GPC1: variants seen among roughly 807,000 people sequenced by gnomAD.
GPC1 encodes glypican-1.
GPC1 carries 26 observed loss-of-function variants against 51.5 expected under a neutral mutation model. The observed-to-expected ratio is 0.50, with a 90% CI of 0.37 to 0.70. The LOEUF is 0.70. Ranked by LOEUF, GPC1 falls within the 30% of genes least tolerant of loss-of-function variation. GPC1 has a pLI of 0.00. For missense variants in GPC1, 775 were observed against 800.5 expected, an observed-to-expected ratio of 0.97 and a Z score of 0.38; for synonymous variants, 380 against 348.3, an observed-to-expected ratio of 1.09 and a Z score of -1.01.
intron 1 of GPC1, chr2:240,456,746 C>T: frequency 2.4e-6 from 1 of 409,722 alleles, no homozygotes; most frequent in South Asian, 1.7e-5. Flanking sequence ...AGGGGCGGTT[C>T]CTGCTCTAAA....
At chr2:240,450,007 A>T (rs2074083243) in intron 1 of GPC1, 2 of 443,808 alleles carry the variant, frequency 4.5e-6, no homozygotes, top group Admixed American at 4.8e-5. Flanking sequence ...TGCTGTGAGC[A>T]TGGGTGTATG....
At chr2:240,451,647 TG>T (rs536587988) in intron 1 of GPC1, 92 of 221,864 alleles carry the variant, frequency 4.1e-4, no homozygotes, top group African/African-American at 2.1e-3. Context: ...CACCGGGTCC[TG>T]GGTGTGGCAG....
intron 1 of GPC1, among the ~76,000 whole-genome samples, chr2:240,437,352 C>T (rs2073990542): frequency 6.6e-6 from 1 of 152,098 alleles, no homozygotes; most frequent in South Asian, 2.1e-4. Flanking sequence ...GTGGATCTCC[C>T]GATGCCCCCA....
At chr2:240,463,650 G>A in intron 4 of GPC1, 138 bp downstream of exon 4, 1 of 697,088 alleles carries the variant, frequency 1.4e-6, no homozygotes, top group Non-Finnish European at 2.4e-6. Flanking sequence ...GGCCAGATCT[G>A]GGTGGTGCTG....
At position 240,435,890 on chromosome 2, in the gene GPC1, G is replaced by T; in HGVS notation, c.-29G>T. The T allele has an allele frequency of 2.5e-6, 3 of 1,215,234 alleles. No individual in the cohort carries two copies. The highest frequency in any genetic ancestry group is 3.1e-6 in the Non-Finnish European group (3 of 973,762). The allele number at this position is 1,215,234 out of a possible 1,614,324, so 75.3% of individuals were successfully genotyped here. On this transcript the variant is annotated 5_prime_UTR_variant, in exon 1 of 9. Coordinates refer to ENST00000264039, the MANE Select transcript of GPC1 (RefSeq NM_002081.3). ...GCCAGGATCCGAGAGAGGCGCGGGC[G>T]GGTGGCCGGGGGCGCCGCCGGCCCC...
intron 1 of GPC1, among the ~76,000 whole-genome samples, chr2:240,438,084 G>T (rs1342238764): frequency 6.6e-6 from 1 of 152,198 alleles, no homozygotes; most frequent in Non-Finnish European, 1.5e-5. Context: ...TCCACCCCGC[G>T]TGGGGAGTAC....
chr2:240,462,524 C>T lies in GPC1; in HGVS notation c.659C>T (p.Ala220Val). The T allele has an allele frequency of 6.3e-7, 1 of 1,580,976 alleles. No homozygotes were observed. Among genetic ancestry groups the T allele is most frequent in the Non-Finnish European group, 8.6e-7 (1 of 1,164,994 alleles). Residue 220 changes from alanine (A) to valine (V), a missense_variant, in exon 3 of 9, where the codon GCT becomes GTT. Coordinates refer to ENST00000264039, the MANE Select transcript of GPC1 (RefSeq NM_002081.3). ...RLRATRAFVA[A>V]RSFVQGLGVA... Reference sequence around the variant, plus strand: ...CGGGCCACCCGTGCCTTCGTGGCTGCTCGCTCCTTTGTGCAGGGCCTGGGC... The same window carrying T: ...CGGGCCACCCGTGCCTTCGTGGCTGTTCGCTCCTTTGTGCAGGGCCTGGGC...
rs768560597 is a variant in GPC1 at position 240,462,461 on chromosome 2, T to C, written c.596T>C (p.Leu199Pro). The change falls in exon 3 of 9, where the codon CTG becomes CCG. Residue 199 changes from leucine (L) to proline (P), a missense_variant. Coordinates refer to ENST00000264039, the MANE Select transcript of GPC1 (RefSeq NM_002081.3). The part of the protein sequence containing the change: ...LDCLGKQAEA[L>P]RPFGEAPREL... ...TGCCTGGGCAAGCAGGCCGAGGCGCTGCGGCCCTTCGGGGAGGCCCCGAGA... is the reference window on the plus strand; with the variant it reads ...TGCCTGGGCAAGCAGGCCGAGGCGCCGCGGCCCTTCGGGGAGGCCCCGAGA... 1.9e-6 allele frequency: 3 copies of C among 1,605,380 alleles called. No individual in the cohort carries two copies. The highest frequency in any genetic ancestry group is 2.5e-6 in the Non-Finnish European group (3 of 1,177,146).
Position 240,464,940 on chromosome 2 carries a change from C to A in GPC1, c.1099C>A (p.Arg367=). ...EKRRRGKLAP[R]ERPPSGTLEK... is the part of the protein sequence containing the mutation. ...GCGGCGCCGGGGCAAGCTGGCCCCG[C>A]GGGAGAGGCCACCTTCAGGCACGCT... The change falls in exon 6 of 9, where the codon CGG becomes AGG. Residue 367 remains arginine (R), a synonymous_variant. Transcript: ENST00000264039. 3 of 1,551,790 alleles carry A rather than the reference C, an allele frequency of 1.9e-6. No homozygotes were observed. The highest frequency in any genetic ancestry group is 2.4e-5 in the East Asian group (1 of 41,152).
At chr2:240,457,603 T>A (rs985176350) in intron 1 of GPC1, 2 of 394,454 alleles carry the variant, frequency 5.1e-6, no homozygotes, top group Admixed American at 5.1e-5. Flanking sequence ...AGGCCCTGCC[T>A]GCAGTGGGGC....
intron 4 of GPC1, chr2:240,464,300 A>G (rs907810203): frequency 2.6e-6 from 1 of 386,592 alleles, no homozygotes; most frequent in Non-Finnish European, 4.9e-6. Context: ...CAGCGTATGT[A>G]CATGTCAACA....
At chr2:240,445,564 CTG>C (rs148055462) in intron 1 of GPC1, among the ~76,000 whole-genome samples, 1,524 of 152,314 alleles carry the variant, frequency 0.01, 10 homozygotes, top group Non-Finnish European at 0.016. Context: ...GAAGGGCAGA[CTG>C]TGGTGGCCAA....
intron 1 of GPC1, among the ~76,000 whole-genome samples, chr2:240,457,756 C>T (rs1307830929): frequency 2.0e-5 from 3 of 152,180 alleles, no homozygotes; most frequent in Non-Finnish European, 4.4e-5. Context: ...CCTCCCTGGC[C>T]TGGCCTTCAC....
chr2:240,450,239 A>C, intron 1 of GPC1: 1 of 322,978 alleles, frequency 3.1e-6, no homozygotes, highest in Non-Finnish European at 6.0e-6. Context: ...GGCGGCCACC[A>C]ACTCATCAAA....
chr2:240,452,562 A>G (rs1207242251), intron 1 of GPC1: 1 of 152,110 alleles, frequency 6.6e-6, no homozygotes, highest in Non-Finnish European at 1.5e-5. Flanking sequence ...GGGCCCGCTT[A>G]GCTGCAGTGG....
Position 240,464,991 on chromosome 2 carries a change from G to A in GPC1, c.1134+16G>A, listed in dbSNP as rs112584926. 1,354 of 1,562,572 alleles carry A rather than the reference G, an allele frequency of 8.7e-4. 6 individuals carry two copies. The African/African-American group carries it at 0.015, about 18-fold the overall frequency. On this transcript the variant is annotated intron_variant, in intron 6 of 8. Coordinates refer to ENST00000264039, the MANE Select transcript of GPC1 (RefSeq NM_002081.3). ...GGAGAAGCTGGTGAGTGGCCCCTGC[G>A]TGTCCACTGGACCAGGCATGAGGGA...
chr2:240,447,500 G>T (rs566179224), intron 1 of GPC1, among the ~76,000 whole-genome samples: 1 of 152,248 alleles, frequency 6.6e-6, no homozygotes. Context: ...CTGTCCCCAT[G>T]GACCTCGGGT....
At chr2:240,437,619 C>G (rs2073992246) in intron 1 of GPC1, among the ~76,000 whole-genome samples, 1 of 152,172 alleles carries the variant, frequency 6.6e-6, no homozygotes, top group South Asian at 2.1e-4. Flanking sequence ...GCACAAGGCC[C>G]TCGGCACAGT....
chr2:240,449,960 A>C (rs1468996080), intron 1 of GPC1: 1 of 465,654 alleles, frequency 2.1e-6, no homozygotes. Flanking sequence ...TCGACTGTGG[A>C]GAGACATCGT....
Sources: gnomAD v4.1 joint callset for allele counts (sites outside exome capture counted in the v4.1 genomes callset) on GRCh38, gnomAD v4.1.1 for gene constraint, MANE v1.5 for transcripts, NCBI Gene and HGNC (gene_info 2026-07-23, HGNC 2026-07-21) for gene names.